The following TMEFF1 variants were observed in gnomAD, a reference collection of about 807,000 sequenced individuals.
TMEFF1 encodes the protein transmembrane protein with EGF like and two follistatin like domains 1.
A neutral mutation model predicts 47.5 loss-of-function variants in TMEFF1; 20 were observed. That is an observed-to-expected ratio of 0.42 (90% CI 0.30 to 0.61). The LOEUF is 0.61. Among genes scored for constraint, TMEFF1 ranks in the 20% least tolerant of loss-of-function variants. The pLI is 0.19. For synonymous variants in TMEFF1, 162 were observed against 166.3 expected (o/e 0.97, Z 0.20); for missense variants, 411 against 471.1 (o/e 0.87, Z 1.18).
chr9:100,515,398 T>G (rs1838048118), intron 4 of TMEFF1, among the ~76,000 whole-genome samples: 1 of 152,098 alleles, frequency 6.6e-6, no homozygotes, highest in Non-Finnish European at 1.5e-5. Context: ...TATTTCTATT[T>G]AAGGACAGGC....
chr9:100,575,668 G>A (rs1839339117), intron 9 of TMEFF1, among the ~76,000 whole-genome samples: 1 of 152,162 alleles, frequency 6.6e-6, no homozygotes, highest in Non-Finnish European at 1.5e-5. Flanking sequence ...CCATTAGGTT[G>A]TAAATTTCTT....
At chr9:100,562,423 T>C (rs1443031097) in intron 8 of TMEFF1, among the ~76,000 whole-genome samples, 1 of 152,116 alleles carries the variant, frequency 6.6e-6, no homozygotes, top group Non-Finnish European at 1.5e-5. Flanking sequence ...TCCTGATTTT[T>C]TTCACCTGCC....
intron 5 of TMEFF1, among the ~76,000 whole-genome samples, chr9:100,544,523 A>G (rs1441765186): frequency 6.6e-6 from 1 of 152,204 alleles, no homozygotes; most frequent in Non-Finnish European, 1.5e-5. Context: ...TCCTCCCACG[A>G]CACGTGGGAA....
chr9:100,545,403 C>G (rs184592759), intron 5 of TMEFF1, among the ~76,000 whole-genome samples: 104 of 152,316 alleles, frequency 6.8e-4, no homozygotes, highest in Non-Finnish European at 1.4e-3. Context: ...AGCCACAGCC[C>G]AAGCTCTACA....
chr9:100,493,623 G>T (rs1235691825), intron 1 of TMEFF1, among the ~76,000 whole-genome samples: 2 of 152,192 alleles, frequency 1.3e-5, no homozygotes, highest in Non-Finnish European at 2.9e-5. Flanking sequence ...AGCAACTCTT[G>T]TGAGTACTTC....
chr9:100,523,435 C>T (rs1838202857), intron 5 of TMEFF1, among the ~76,000 whole-genome samples: 1 of 152,056 alleles, frequency 6.6e-6, no homozygotes, highest in Non-Finnish European at 1.5e-5. Flanking sequence ...TGATTTTTGT[C>T]TTGGGTAAAC....
chr9:100,473,737 T>C lies in TMEFF1; in HGVS notation c.193T>C (p.Ser65Pro), dbSNP rs1390852205. 6.6e-6 allele frequency: 10 copies of C among 1,526,120 alleles called. No homozygotes were observed. In the South Asian group the frequency reaches 1.1e-4, roughly 17 times the overall value. 94.5% of individuals were successfully genotyped at this position (1,526,120 alleles called of 1,614,324 possible). Residue 65 changes from serine (S) to proline (P), a missense_variant, in exon 1 of 10, where the codon TCA becomes CCA. By Grantham distance (74) the Ser-to-Pro change is moderately conservative. Coordinates refer to ENST00000374879, the MANE Select transcript of TMEFF1 (RefSeq NM_003692.5). This position sits in a 1 kb window ranked among gnomAD's most constrained non-coding sequence, Gnocchi z 5.4. ...CGGCAAAGGCAAGAGCATCAACTGC[T>C]CAGGTAGGACCGGTCGGAGCCGGCC... is the stretch of plus-strand genomic sequence containing the variant. ...PGGKGKSINCSELNVRESDVR... is the reference protein window; with the variant it reads ...PGGKGKSINCPELNVRESDVR...
At chr9:100,506,892 A>G (rs181664296) in intron 2 of TMEFF1, among the ~76,000 whole-genome samples, 64 of 150,954 alleles carry the variant, frequency 4.2e-4, no homozygotes, top group East Asian at 1.9e-4. Flanking sequence ...TACAATTACT[A>G]TTTTTAAACT....
At chr9:100,572,776 G>T in intron 9 of TMEFF1, 100 bp downstream of exon 9, 2 of 1,401,752 alleles carry the variant, frequency 1.4e-6, no homozygotes, top group South Asian at 3.2e-5. Context: ...AAAATCTTAT[G>T]ATCAGTTCCC....
intron 7 of TMEFF1, among the ~76,000 whole-genome samples, chr9:100,560,677 C>T (rs1288114742): frequency 6.6e-6 from 1 of 152,088 alleles, no homozygotes; most frequent in Non-Finnish European, 1.5e-5. Context: ...ATTTTCTTCA[C>T]TTCAGTTCAG....
At chr9:100,575,968 C>T (rs1276198144) in intron 9 of TMEFF1, among the ~76,000 whole-genome samples, 1 of 152,042 alleles carries the variant, frequency 6.6e-6, no homozygotes, top group Non-Finnish European at 1.5e-5. Context: ...GTGGTTTGCC[C>T]CAGGAGGGTG....
chr9:100,561,255 C>T, intron 7 of TMEFF1, 142 bp from the exon 8 acceptor site: 2 of 1,407,512 alleles, frequency 1.4e-6, no homozygotes, highest in Non-Finnish European at 1.9e-6. Flanking sequence ...TATCTAACCC[C>T]CTATCTGATA....
intron 5 of TMEFF1, among the ~76,000 whole-genome samples, chr9:100,539,474 G>A (rs1838583342): frequency 2.0e-5 from 3 of 152,086 alleles, no homozygotes; most frequent in Non-Finnish European, 4.4e-5. Flanking sequence ...CCTTCTGGTG[G>A]GTTCGTAGTC....
At chr9:100,556,765 A>T (rs1184591169) in intron 7 of TMEFF1, among the ~76,000 whole-genome samples, 2 of 151,872 alleles carry the variant, frequency 1.3e-5, no homozygotes, top group Non-Finnish European at 2.9e-5. Context: ...AACCATTTTT[A>T]TTTTTTCTGT....
At chr9:100,483,533 T>G (rs187063519) in intron 1 of TMEFF1, among the ~76,000 whole-genome samples, 541 of 113,782 alleles carry the variant, frequency 4.8e-3, no homozygotes, top group African/African-American at 0.015. Flanking sequence ...ACAAACAAGG[T>G]GTGTCATTGT....
intron 7 of TMEFF1, 85 bp downstream of exon 7, chr9:100,550,245 C>T (rs767238144): frequency 2.2e-6 from 3 of 1,376,306 alleles, no homozygotes; most frequent in African/African-American, 2.9e-5. Flanking sequence ...TCCATTATAA[C>T]AACACCTCTA....
chr9:100,516,610 A>G, intron 4 of TMEFF1, 65 bp from the exon 5 acceptor site: 1 of 1,569,372 alleles, frequency 6.4e-7, no homozygotes, highest in South Asian at 1.2e-5. Flanking sequence ...ACTGCTGAAA[A>G]CATGAAGCAT....
At chr9:100,513,797 G>A (rs1371637003) in intron 4 of TMEFF1, among the ~76,000 whole-genome samples, 3 of 152,118 alleles carry the variant, frequency 2.0e-5, no homozygotes, top group Non-Finnish European at 4.4e-5. Flanking sequence ...TGCTCATCAG[G>A]AATTTTCATG....
At position 100,493,386 on chromosome 9, in the gene TMEFF1, G is replaced by T. The variant is rs193160517; in HGVS notation, c.197-5379G>T. Among the ~76,000 whole-genome samples, 8 of 152,254 alleles carry T rather than the reference G, an allele frequency of 5.3e-5. No homozygotes were observed. In the East Asian group the frequency reaches 1.4e-3, roughly 26 times the overall value. ...TTAACGGAAGGGTGGTAGAAAAGTC[G>T]TATCATTCTGGAAGGCTGCTGGATC... On this transcript the variant is annotated intron_variant, in intron 1 of 9. Coordinates refer to ENST00000374879, the MANE Select transcript of TMEFF1 (RefSeq NM_003692.5).
Sources: allele counts gnomAD v4.1 joint callset (sites outside exome capture counted in the v4.1 genomes callset), GRCh38; gene constraint gnomAD v4.1.1; non-coding constraint Gnocchi (gnomAD v3.1); transcripts MANE v1.5; gene names NCBI Gene and HGNC (gene_info 2026-07-23, HGNC 2026-07-21).